FGF13: variants seen among roughly 807,000 people sequenced by gnomAD.
FGF13 encodes fibroblast growth factor homologous factor 2.
FGF13 carries 2 observed loss-of-function variants against 19.5 expected under a neutral mutation model. The observed-to-expected ratio is 0.10, with a 90% CI of 0.04 to 0.32. FGF13 has a LOEUF of 0.32. FGF13 is among the 10% of genes least tolerant of loss of function. FGF13 has a pLI of 1.00. For synonymous variants in FGF13, 72 were observed against 76.9 expected (o/e 0.94, Z 0.33); for missense variants, 113 against 192.7 (o/e 0.59, Z 2.45).
At chrX:138,787,329 T>C (rs189399679) in intron 3 of FGF13, among the ~76,000 whole-genome samples, 2 of 112,107 alleles carry the variant, frequency 1.8e-5, no homozygotes, top group Non-Finnish European at 3.8e-5. Flanking sequence ...CTTAGTCATT[T>C]GGGGCAGCTA....
chrX:138,978,294 G>A (rs2091948631), intron 1 of FGF13, among the ~76,000 whole-genome samples: 1 of 71,830 alleles, frequency 1.4e-5, no homozygotes, highest in Admixed American at 1.9e-4. Flanking sequence ...ATGGAGTCTC[G>A]CTCTGTCGCC....
chrX:138,954,095 CGAGA>C (rs199755534), intron 1 of FGF13, among the ~76,000 whole-genome samples: 57 of 94,184 alleles, frequency 6.1e-4, no homozygotes, highest in Admixed American at 1.1e-3. Flanking sequence ...GTAAATTTAA[CGAGA>C]GAGAGAGAGA....
At chrX:138,691,332 C>T (rs2089836734) in intron 3 of FGF13, among the ~76,000 whole-genome samples, 1 of 111,906 alleles carries the variant, frequency 8.9e-6, no homozygotes, top group Admixed American at 9.5e-5. Context: ...AACCACCAAG[C>T]ACTCTAAAGA....
intron 1 of FGF13, among the ~76,000 whole-genome samples, chrX:139,047,135 T>C (rs149557566): frequency 0.013 from 1,406 of 112,225 alleles, 39 homozygotes; most frequent in African/African-American, 0.043. Flanking sequence ...CTGAATTCCC[T>C]GGCTACTTGA....
At chrX:138,922,667 G>C (rs1299745359) in intron 1 of FGF13, among the ~76,000 whole-genome samples, 1 of 111,793 alleles carries the variant, frequency 8.9e-6, no homozygotes, top group Non-Finnish European at 1.9e-5. Flanking sequence ...ACATATACTT[G>C]ATTCCTGTCC....
intron 3 of FGF13, among the ~76,000 whole-genome samples, chrX:138,689,852 A>T (rs1007582589): frequency 1.8e-5 from 2 of 112,192 alleles, no homozygotes; most frequent in Non-Finnish European, 3.8e-5. Context: ...GATAGCAGTT[A>T]AAGTGTCTGT....
chrX:138,764,402 T>A (rs1450080151), intron 3 of FGF13, among the ~76,000 whole-genome samples: 1 of 112,774 alleles, frequency 8.9e-6, no homozygotes, highest in Admixed American at 9.4e-5. Flanking sequence ...ATAACAGCTA[T>A]TAGGCATACA....
At chrX:138,650,105 T>C (rs1395401334) in intron 3 of FGF13, among the ~76,000 whole-genome samples, 1 of 111,713 alleles carries the variant, frequency 9.0e-6, no homozygotes, top group African/African-American at 3.2e-5. Flanking sequence ...CCTGAACTCA[T>C]GAAGTATCCT....
rs771539795 is a variant in FGF13 at position 138,631,192 on chromosome X, A to C, written c.*1658T>G. 9.0e-5 allele frequency: 10 copies of C among 111,133 alleles called. No individual in the cohort carries two copies. Among genetic ancestry groups the C allele is most frequent in the Middle Eastern group, 4.6e-3 (1 of 216 alleles). 9.2% of individuals were successfully genotyped at this position (111,133 alleles called of 1,213,427 possible). A position where few individuals can be genotyped will look rare whatever the true frequency, so the allele number is the denominator to read the frequency against. On this transcript the variant is annotated 3_prime_UTR_variant, in exon 5 of 5. Coordinates refer to ENST00000315930, the MANE Select transcript of FGF13 (RefSeq NM_004114.5). ...AGCTAGAGAAAAGTCATCAACATTTAAAAAAATTTACATTTTCCTTCAGTT... is the reference window on the plus strand; with the variant it reads ...AGCTAGAGAAAAGTCATCAACATTTCAAAAAATTTACATTTTCCTTCAGTT...
At chrX:138,789,731 C>A (rs1485601794) in intron 3 of FGF13, among the ~76,000 whole-genome samples, 2 of 109,492 alleles carry the variant, frequency 1.8e-5, no homozygotes, top group African/African-American at 3.3e-5. Flanking sequence ...AACAAAGGAC[C>A]ATAGATGGAG....
Position 138,818,499 on chromosome X carries a change from GACACACACACACAC to G in FGF13, c.217+38999_217+39012del, listed in dbSNP as rs371760908. ...TTATATAAGGATATATATATGCACA[GACACACACACACAC>G]ACACACACACACACACACACACACA... On this transcript the variant is annotated intron_variant, in intron 3 of 6. Transcript: ENST00000436198. 5.1e-3 allele frequency among the ~76,000 whole-genome samples: 430 copies of G among 84,780 alleles called. 1 individual carries two copies. The highest frequency in any genetic ancestry group is 0.016 in the African/African-American group (360 of 23,169). 73.6% of individuals were successfully genotyped at this position (84,780 alleles called of 115,157 possible). A position where few individuals can be genotyped will look rare whatever the true frequency, so the allele number is the denominator to read the frequency against.
At chrX:138,797,754 A>T (rs185764801) in intron 3 of FGF13, among the ~76,000 whole-genome samples, 44 of 110,373 alleles carry the variant, frequency 4.0e-4, no homozygotes, top group African/African-American at 1.4e-3. Context: ...GTGGTTTGTT[A>T]TTCTCTTTGA....
At chrX:139,054,610 GA>G (rs1012138947) in intron 1 of FGF13, among the ~76,000 whole-genome samples, 3 of 111,610 alleles carry the variant, frequency 2.7e-5, no homozygotes, top group African/African-American at 9.8e-5. Flanking sequence ...GTTCTGTGAA[GA>G]ATGATGGTGG....
In FGF13 at chrX:138,753,401, G is replaced by C. The variant is rs544574497; in HGVS notation, c.218-44473C>G. ...GAAACAAAGTAACAGTTCCAAAAGT[G>C]GTTTCCCATTTTCATGGCTATGAGC... On this transcript the variant is annotated intron_variant, in intron 3 of 6. Coordinates refer to the FGF13 transcript ENST00000436198. 2.0e-4 allele frequency among the ~76,000 whole-genome samples: 23 copies of C among 112,208 alleles called. No homozygotes were observed. The South Asian group carries it at 8.5e-3, about 42-fold the overall frequency.
intron 3 of FGF13, among the ~76,000 whole-genome samples, chrX:138,762,617 A>G (rs1440116232): frequency 9.0e-6 from 1 of 111,647 alleles, no homozygotes; most frequent in Admixed American, 9.5e-5. Context: ...TTGACAGTCA[A>G]ATTGTCTGGG....
At chrX:138,885,227 A>T (rs2091445946) in intron 1 of FGF13, among the ~76,000 whole-genome samples, 1 of 111,243 alleles carries the variant, frequency 9.0e-6, no homozygotes, top group Non-Finnish European at 1.9e-5. Flanking sequence ...CTGTGGTCTC[A>T]CCTGGAGTCT....
chrX:138,932,703 AGTGTGTGTGTGTGTGT>A (rs57793547), intron 1 of FGF13, among the ~76,000 whole-genome samples: 3 of 90,289 alleles, frequency 3.3e-5, no homozygotes, highest in Non-Finnish European at 6.5e-5. Context: ...TCAGGAGTGT[AGTGTGTGTGTGTGTGT>A]GTGTGTGTGT....
intron 1 of FGF13, among the ~76,000 whole-genome samples, chrX:138,889,018 G>A (rs1157805886): frequency 2.7e-5 from 3 of 112,060 alleles, no homozygotes; most frequent in Non-Finnish European, 5.6e-5. Context: ...CCATGTCCAT[G>A]TGCTCAGCAC....
chrX:139,176,380 G>GTTTT (rs36133825), intron 1 of FGF13, among the ~76,000 whole-genome samples: 2 of 89,046 alleles, frequency 2.2e-5, no homozygotes, highest in Non-Finnish European at 4.5e-5. Flanking sequence ...TTTTTGAAGG[G>GTTTT]TTTTTTTTTT....
Sources: allele counts gnomAD v4.1 joint callset (sites outside exome capture counted in the v4.1 genomes callset), GRCh38; gene constraint gnomAD v4.1.1; transcripts MANE v1.5; gene names NCBI Gene and HGNC (gene_info 2026-07-23, HGNC 2026-07-21).